Variants in GRM3 observed in about 807,000 individuals in gnomAD.
The protein encoded by GRM3 is metabotropic glutamate receptor 3.
A neutral mutation model predicts 70.5 loss-of-function variants in GRM3; 26 were observed. The ratio of observed to expected loss-of-function variants is 0.37; its 90% confidence interval spans 0.27 to 0.51. The LOEUF (loss-of-function observed/expected upper bound fraction) is 0.51, where lower values mean the gene tolerates loss of function less well. GRM3 is among the 20% of genes least tolerant of loss of function. GRM3 has a pLI of 0.93. For synonymous variants in GRM3, 443 were observed against 434.9 expected (o/e 1.02, Z -0.23); for missense variants, 859 against 1,123.8 (o/e 0.76, Z 3.37).
chr7:86,805,668 T>G (rs758732459), intron 3 of GRM3, among the ~76,000 whole-genome samples: 30 of 152,338 alleles, frequency 2.0e-4, no homozygotes, highest in Non-Finnish European at 7.3e-5. Flanking sequence ...GAATGACATA[T>G]AGTTGGAATC....
intron 1 of GRM3, among the ~76,000 whole-genome samples, chr7:86,762,223 T>TA (rs1796497018): frequency 1.3e-5 from 2 of 152,120 alleles, no homozygotes; most frequent in Non-Finnish European, 1.5e-5. Context: ...ATCAACTTTT[T>TA]AAAAAAATTA....
intron 3 of GRM3, among the ~76,000 whole-genome samples, chr7:86,821,802 G>T (rs1010946569): frequency 1.3e-5 from 2 of 152,082 alleles, no homozygotes; most frequent in Admixed American, 6.6e-5. Flanking sequence ...TTGTCACCAC[G>T]CTTCCTTAAT....
intron 2 of GRM3, among the ~76,000 whole-genome samples, chr7:86,780,578 C>T (rs959677733): frequency 3.9e-5 from 6 of 152,176 alleles, no homozygotes; most frequent in African/African-American, 1.4e-4. Flanking sequence ...GAAAGAGATT[C>T]TGCTAAACAT....
chr7:86,737,034 A>G (rs1282286888), intron 1 of GRM3, among the ~76,000 whole-genome samples: 2 of 152,022 alleles, frequency 1.3e-5, no homozygotes, highest in African/African-American at 4.8e-5. Context: ...GAAAAAAAAA[A>G]CATCCAACTC....
chr7:86,827,742 G>A (rs368795338), intron 3 of GRM3, among the ~76,000 whole-genome samples: 6 of 152,194 alleles, frequency 3.9e-5, no homozygotes, highest in South Asian at 2.1e-4. Flanking sequence ...TCAAACTCCT[G>A]ACCTCAGGCG....
At chr7:86,724,377 T>C (rs926905796) in intron 1 of GRM3, among the ~76,000 whole-genome samples, 2 of 152,176 alleles carry the variant, frequency 1.3e-5, no homozygotes, top group African/African-American at 4.8e-5. Context: ...CTTTCATTAG[T>C]GCAGAGTGTA....
chr7:86,718,738 T>C (rs748154638), intron 1 of GRM3, among the ~76,000 whole-genome samples: 1 of 151,974 alleles, frequency 6.6e-6, no homozygotes, highest in Non-Finnish European at 1.5e-5. Flanking sequence ...ACTTAATTTG[T>C]GGCCAAAAGC....
In GRM3 at chr7:86,762,399, C is replaced by T. The variant is rs1273234495; in HGVS notation, c.-140-2607C>T. On this transcript the variant is annotated intron_variant, in intron 1 of 5. Coordinates refer to ENST00000361669, the MANE Select transcript of GRM3 (RefSeq NM_000840.3). Reference sequence around the variant, plus strand: ...TGGCTCAGGAAAACAGCCCATCATTCGCTGCATGTGAAAGGAACAGAAAGT... The same window carrying T: ...TGGCTCAGGAAAACAGCCCATCATTTGCTGCATGTGAAAGGAACAGAAAGT... Among the ~76,000 whole-genome samples the T allele has an allele frequency of 5.4e-4, 82 of 151,986 alleles. 1 individual carries two copies. Among genetic ancestry groups the T allele is most frequent in the African/African-American group, 2.4e-5 (1 of 41,392 alleles).
rs1255468158 is a variant in GRM3 at position 86,864,654 on chromosome 7, A to AC, written c.*299_*300insC. ...ACTAAAAAACAAAAAAAAAAAACAA[A>AC]AAAAAAAAAACAAAAGAAAAAAATA... On this transcript the variant is annotated 3_prime_UTR_variant, in exon 6 of 6. Coordinates refer to ENST00000361669, the MANE Select transcript of GRM3 (RefSeq NM_000840.3). 4.2e-6 allele frequency: 1 copy of AC among 236,548 alleles called. No homozygotes were observed. Among genetic ancestry groups the AC allele is most frequent in the Non-Finnish European group, 8.1e-6 (1 of 123,564 alleles). 14.7% of individuals were successfully genotyped at this position (236,548 alleles called of 1,614,324 possible).
intron 2 of GRM3, among the ~76,000 whole-genome samples, chr7:86,779,421 C>A (rs997778936): frequency 6.6e-6 from 1 of 151,884 alleles, no homozygotes; most frequent in Admixed American, 6.6e-5. Flanking sequence ...TGCACACGTG[C>A]GCACACACAC....
chr7:86,847,405 C>A (rs750491127), intron 4 of GRM3, among the ~76,000 whole-genome samples: 1 of 152,074 alleles, frequency 6.6e-6, no homozygotes, highest in Non-Finnish European at 1.5e-5. Context: ...GGAAAGGGAC[C>A]AAATTTTGAT....
intron 1 of GRM3, among the ~76,000 whole-genome samples, chr7:86,706,921 G>A (rs1458351468): frequency 6.6e-6 from 1 of 152,016 alleles, no homozygotes; most frequent in Non-Finnish European, 1.5e-5. Context: ...TTTTTTCCTA[G>A]AAGTTGTCAT....
chr7:86,743,821 A>T (rs1047681080), intron 1 of GRM3, among the ~76,000 whole-genome samples: 1 of 152,150 alleles, frequency 6.6e-6, no homozygotes, highest in Admixed American at 6.6e-5. Context: ...TATCATGTAT[A>T]CACTAATGCA....
chr7:86,777,996 G>T (rs1047503827), intron 2 of GRM3, among the ~76,000 whole-genome samples: 17 of 152,236 alleles, frequency 1.1e-4, no homozygotes, highest in African/African-American at 4.1e-4. Context: ...TTCTCTTCCA[G>T]GCACATATAT....
chr7:86,786,998 C>G lies in GRM3; in HGVS notation c.1206C>G (p.His402Gln), dbSNP rs1467173545. 1.9e-6 allele frequency: 3 copies of G among 1,613,904 alleles called. No individual in the cohort carries two copies. The highest frequency in any genetic ancestry group is 1.1e-5 in the South Asian group (1 of 91,086). Residue 402 changes from histidine to glutamine, a missense_variant, in exon 3 of 6, where the codon CAC (histidine) becomes CAG (glutamine). By Grantham distance (24) the His-to-Gln change is conservative. Coordinates refer to ENST00000361669, the MANE Select transcript of GRM3 (RefSeq NM_000840.3). The surrounding 1 kb of genome is among the most constrained non-coding windows in gnomAD (Gnocchi z 6.0). Reference protein sequence around the residue: ...FVVNAVYAMAHALHKMQRTLC... With the variant: ...FVVNAVYAMAQALHKMQRTLC... ...TGAACGCGGTGTATGCCATGGCCCA[C>G]GCTTTGCACAAAATGCAGCGCACCC...
intron 2 of GRM3, among the ~76,000 whole-genome samples, chr7:86,768,012 TA>T (rs1796649490): frequency 6.6e-6 from 1 of 152,102 alleles, no homozygotes; most frequent in Non-Finnish European, 1.5e-5. Flanking sequence ...CAAACATTGA[TA>T]AGGTTCTTAT....
At chr7:86,657,166 T>A (rs1484304414) in intron 1 of GRM3, among the ~76,000 whole-genome samples, 1 of 152,180 alleles carries the variant, frequency 6.6e-6, no homozygotes, top group Non-Finnish European at 1.5e-5. Flanking sequence ...ATCAACCTAA[T>A]GACATAAATC....
chr7:86,663,998 T>C (rs963115873), intron 1 of GRM3, among the ~76,000 whole-genome samples: 4 of 151,964 alleles, frequency 2.6e-5, no homozygotes, highest in Non-Finnish European at 5.9e-5. Flanking sequence ...GGAGAGATAA[T>C]GGCACCTATG....
chr7:86,724,321 G>A (rs758590638), intron 1 of GRM3, among the ~76,000 whole-genome samples: 8 of 152,044 alleles, frequency 5.3e-5, no homozygotes, highest in Non-Finnish European at 7.4e-5. Context: ...CCTGGGAAAG[G>A]GCTAGGAAAT....
Sources: allele counts gnomAD v4.1 joint callset (sites outside exome capture counted in the v4.1 genomes callset), GRCh38; gene constraint gnomAD v4.1.1; non-coding constraint Gnocchi (gnomAD v3.1); transcripts MANE v1.5; gene names NCBI Gene and HGNC (gene_info 2026-07-23, HGNC 2026-07-21).